SAMMSON: variants seen among roughly 807,000 people sequenced by gnomAD.
The protein encoded by SAMMSON is survival associated mitochondrial melanoma specific oncogenic non-coding RNA.
Position 70,306,587 on chromosome 3 carries a change from T to A in SAMMSON, n.739+15344T>A, listed in dbSNP as rs144205669. 8.2e-3 allele frequency among the ~76,000 whole-genome samples: 1,249 copies of A among 152,226 alleles called. 13 individuals carry two copies. Among genetic ancestry groups the A allele is most frequent in the African/African-American group, 0.028 (1,181 of 41,530 alleles). On this transcript the variant is annotated intron_variant and non_coding_transcript_variant, in intron 7 of 9. Transcript: ENST00000642114. ...TTGCCCATTCCCCACCCCCTATTTT[T>A]TTTATCATTTTTTTTCTCTCTCATG...
At chr3:70,036,098 T>A (rs1182791177) in intron 3 of SAMMSON, among the ~76,000 whole-genome samples, 1 of 152,172 alleles carries the variant, frequency 6.6e-6, no homozygotes, top group Non-Finnish European at 1.5e-5. Flanking sequence ...ATGATTTTTT[T>A]AGAGAAAAGC....
chr3:70,166,943 A>G (rs1230873972), intron 4 of SAMMSON, among the ~76,000 whole-genome samples: 2 of 151,960 alleles, frequency 1.3e-5, no homozygotes, highest in South Asian at 4.1e-4. Flanking sequence ...CTTATTTTCT[A>G]TATCAATGCT....
intron 4 of SAMMSON, among the ~76,000 whole-genome samples, chr3:70,243,340 G>T (rs1040888207): frequency 1.3e-5 from 2 of 151,992 alleles, no homozygotes; most frequent in Non-Finnish European, 2.9e-5. Flanking sequence ...TTAAAATTGG[G>T]GTTGTATTTG....
chr3:70,076,794 A>G (rs1296706838), intron 4 of SAMMSON, among the ~76,000 whole-genome samples: 1 of 152,212 alleles, frequency 6.6e-6, no homozygotes, highest in Non-Finnish European at 1.5e-5. Flanking sequence ...TTTCTACCAC[A>G]CTAATGAAGT....
intron 7 of SAMMSON, among the ~76,000 whole-genome samples, chr3:70,328,061 CAA>C (rs939285014): frequency 1.3e-5 from 2 of 152,144 alleles, no homozygotes; most frequent in African/African-American, 4.8e-5. Flanking sequence ...TGGTGGCAGA[CAA>C]GAGAAGAGAG....
At chr3:70,350,273 G>A (rs549618104) in intron 7 of SAMMSON, among the ~76,000 whole-genome samples, 54 of 152,142 alleles carry the variant, frequency 3.5e-4, no homozygotes, top group South Asian at 6.2e-4. Flanking sequence ...CCAAAGCTAC[G>A]TTTTCTGGCT....
intron 4 of SAMMSON, among the ~76,000 whole-genome samples, chr3:70,111,889 A>G (rs1338387970): frequency 6.6e-6 from 1 of 152,134 alleles, no homozygotes; most frequent in Non-Finnish European, 1.5e-5. Context: ...AACAAATAAT[A>G]TCTATTGCTG....
intron 4 of SAMMSON, among the ~76,000 whole-genome samples, chr3:70,203,518 T>G (rs969155063): frequency 6.6e-6 from 1 of 152,154 alleles, no homozygotes; most frequent in African/African-American, 2.4e-5. Context: ...TCTTTAGAAC[T>G]AGAATGACTA....
intron 4 of SAMMSON, chr3:70,126,782 C>A: frequency 5.4e-6 from 1 of 184,286 alleles, no homozygotes; most frequent in East Asian, 1.6e-4. Flanking sequence ...GTGGCACAGT[C>A]TCTACACACT....
chr3:70,223,836 A>T (rs1701480348), intron 4 of SAMMSON, among the ~76,000 whole-genome samples: 1 of 152,108 alleles, frequency 6.6e-6, no homozygotes, highest in South Asian at 2.1e-4. Context: ...ATTTGCTTTT[A>T]GGCACCCTTT....
At chr3:70,085,964 A>C (rs1314590087) in intron 4 of SAMMSON, among the ~76,000 whole-genome samples, 1 of 152,216 alleles carries the variant, frequency 6.6e-6, no homozygotes, top group Non-Finnish European at 1.5e-5. Flanking sequence ...AAACAATACT[A>C]AGAGGTCTAG....
intron 9 of SAMMSON, among the ~76,000 whole-genome samples, chr3:70,383,578 C>T (rs1191692907): frequency 6.6e-6 from 1 of 151,886 alleles, no homozygotes. Context: ...ACATTCTTAC[C>T]ACTCAGAAAT....
chr3:70,348,639 A>G (rs1305353243), intron 7 of SAMMSON, among the ~76,000 whole-genome samples: 1 of 152,152 alleles, frequency 6.6e-6, no homozygotes. Flanking sequence ...AGGGGGACAC[A>G]AACATTTAGT....
intron 7 of SAMMSON, among the ~76,000 whole-genome samples, chr3:70,329,774 A>G (rs1173645965): frequency 1.3e-5 from 2 of 152,026 alleles, no homozygotes; most frequent in African/African-American, 4.8e-5. Context: ...GGCTTAAAAA[A>G]TCATTTTATC....
At chr3:70,199,253 A>T (rs1218991158) in intron 4 of SAMMSON, among the ~76,000 whole-genome samples, 1 of 152,120 alleles carries the variant, frequency 6.6e-6, no homozygotes, top group African/African-American at 2.4e-5. Flanking sequence ...CCTGTTCGTA[A>T]AGTGGTCTTA....
chr3:70,418,272 C>T (rs376294890), intron 2 of SAMMSON, among the ~76,000 whole-genome samples: 29 of 152,318 alleles, frequency 1.9e-4, no homozygotes, highest in Non-Finnish European at 3.5e-4. Flanking sequence ...TATTGAAAAA[C>T]TTAATCTAGA....
At chr3:70,355,264 A>G (rs1203501274) in intron 8 of SAMMSON, among the ~76,000 whole-genome samples, 1 of 152,160 alleles carries the variant, frequency 6.6e-6, no homozygotes, top group Non-Finnish European at 1.5e-5. Context: ...TTTTCTCATC[A>G]CACATTCTTA....
intron 2 of SAMMSON, among the ~76,000 whole-genome samples, chr3:70,433,463 G>A (rs1185212238): frequency 6.6e-6 from 1 of 151,970 alleles, no homozygotes; most frequent in African/African-American, 2.4e-5. Context: ...ATTGTTGGCG[G>A]GGTGACTGTT....
chr3:70,095,663 A>C (rs1559790031), intron 4 of SAMMSON, among the ~76,000 whole-genome samples: 1 of 152,172 alleles, frequency 6.6e-6, no homozygotes, highest in Non-Finnish European at 1.5e-5. Context: ...CCTCACCTAT[A>C]AAATATAGAC....
Sources: gnomAD v4.1 joint callset for allele counts (sites outside exome capture counted in the v4.1 genomes callset) on GRCh38, gnomAD v4.1.1 for gene constraint, MANE v1.5 for transcripts, NCBI Gene and HGNC (gene_info 2026-07-23, HGNC 2026-07-21) for gene names.